Variants in CD36 observed in about 807,000 individuals in gnomAD.
The protein encoded by CD36 is platelet glycoprotein 4.
In CD36, 119 loss-of-function variants were observed where a neutral mutation model predicts 55.2. The ratio of observed to expected loss-of-function variants is 2.15; its 90% CI spans 1.86 to 2.51. The LOEUF (loss-of-function observed/expected upper bound fraction) is 2.51, where lower values mean the gene tolerates loss of function less well. CD36 is among the 30% of genes most tolerant of loss of function. The pLI, the probability that CD36 is intolerant of heterozygous loss-of-function variation, is 0.00. For synonymous variants in CD36, 186 were observed against 193.6 expected (o/e 0.96, Z 0.33); for missense variants, 819 against 555.5 (o/e 1.47, Z -4.77).
rs759075645 is a variant in CD36 at position 80,673,333 on chromosome 7, T to A, written c.1200-22T>A. 4.5e-5 allele frequency: 50 copies of A among 1,122,306 alleles called. No homozygotes were observed. In the East Asian group the frequency reaches 7.2e-4, roughly 16 times the overall value. The allele number at this position is 1,122,306 out of a possible 1,614,324, so 69.5% of individuals were successfully genotyped here. ...TAAATATTAGTTTATATGTTCATAATTATTTTCAACGTATATTACAGAGTA... is the reference window on the plus strand; with the variant it reads ...TAAATATTAGTTTATATGTTCATAAATATTTTCAACGTATATTACAGAGTA... On this transcript the variant is annotated intron_variant, in intron 12 of 14. Coordinates refer to ENST00000447544, the MANE Select transcript of CD36 (RefSeq NM_001001548.3).
chr7:80,633,546 A>C (rs1794210769), intron 1 of CD36, among the ~76,000 whole-genome samples: 1 of 152,042 alleles, frequency 6.6e-6, no homozygotes, highest in Non-Finnish European at 1.5e-5. Context: ...TCAGCATTTC[A>C]CTAGCATTAC....
intron 1 of CD36, among the ~76,000 whole-genome samples, chr7:80,629,208 C>T (rs79379026): frequency 2.0e-5 from 3 of 152,002 alleles, no homozygotes; most frequent in Admixed American, 2.0e-4. Flanking sequence ...TTTCTCTGCT[C>T]TCTCCTTATT....
rs1323494868 is a variant in CD36, at chr7:80,677,117, T to C, written c.*734T>C. The C allele has an allele frequency of 6.6e-6, 1 of 152,210 alleles. No homozygotes were observed. The highest frequency in any genetic ancestry group is 1.5e-5 in the Non-Finnish European group (1 of 68,034). 9.4% of individuals were successfully genotyped at this position (152,210 alleles called of 1,614,324 possible). A position where few individuals can be genotyped will look rare whatever the true frequency, so the allele number is the denominator to read the frequency against. ...ACATTTCTTTATAAATCCATAGTCC[T>C]TGCTGAAATATGCTTTCTAAATTTC... is the stretch of plus-strand genomic sequence containing the variant. On this transcript the variant is annotated 3_prime_UTR_variant, in exon 15 of 15. Coordinates refer to ENST00000447544, the MANE Select transcript of CD36 (RefSeq NM_001001548.3).
At chr7:80,651,787 G>A (rs1176988751) in intron 3 of CD36, among the ~76,000 whole-genome samples, 1 of 152,054 alleles carries the variant, frequency 6.6e-6, no homozygotes, top group Non-Finnish European at 1.5e-5. Flanking sequence ...ACACATGCCT[G>A]TAGTCCTAGC....
rs1796118677 is a variant in CD36 at position 80,656,703 on chromosome 7, G to A, written c.281+3G>A. The A allele has an allele frequency of 1.2e-6, 2 of 1,612,382 alleles. No individual in the cohort carries two copies. Among genetic ancestry groups the A allele is most frequent in the Admixed American group, 1.7e-5 (1 of 59,950 alleles). ...CAAAGAGGTCCTTATACGTACAGGT[G>A]AGTGAGTCCCCACAAATATGAGACA... On this transcript the variant is annotated splice_donor_region_variant and intron_variant, in intron 4 of 14. Coordinates refer to ENST00000447544, the MANE Select transcript of CD36 (RefSeq NM_001001548.3).
At position 80,676,880 on chromosome 7, in the gene CD36, A is replaced by G. The variant is rs966563535; in HGVS notation, c.*497A>G. 2 of 152,118 alleles carry G rather than the reference A, an allele frequency of 1.3e-5. No homozygotes were observed. Among genetic ancestry groups the G allele is most frequent in the Non-Finnish European group, 2.9e-5 (2 of 68,014 alleles). 9.4% of individuals were successfully genotyped at this position (152,118 alleles called of 1,614,324 possible). A position where few individuals can be genotyped will look rare whatever the true frequency, so the allele number is the denominator to read the frequency against. ...GCTTTTCTAGCATTAAGAGATGTAA[A>G]TGATAAAGGAATTATTGTATGAAAT... On this transcript the variant is annotated 3_prime_UTR_variant, in exon 15 of 15. Transcript: ENST00000447544.
intron 3 of CD36, among the ~76,000 whole-genome samples, chr7:80,652,886 G>A (rs1022018854): frequency 7.2e-5 from 11 of 152,060 alleles, no homozygotes; most frequent in African/African-American, 1.9e-4. Flanking sequence ...AAGTGTTCAC[G>A]TTTATTGATC....
intron 4 of CD36, among the ~76,000 whole-genome samples, chr7:80,659,399 A>G (rs1796350224): frequency 6.6e-6 from 1 of 152,164 alleles, no homozygotes; most frequent in Admixed American, 6.5e-5. Context: ...TTCTACCTAC[A>G]CCATCTCTAT....
chr7:80,663,284 C>T lies in CD36; in HGVS notation c.609+115C>T. ...ATTAGTCTTATTGCTGATCTGGAGACATATATCCTAACTTTTTAAAAAGTC... is the reference window on the plus strand; with the variant it reads ...ATTAGTCTTATTGCTGATCTGGAGATATATATCCTAACTTTTTAAAAAGTC... On this transcript the variant is annotated intron_variant, in intron 6 of 14. Transcript: ENST00000447544. 4.6e-6 allele frequency: 4 copies of T among 877,122 alleles called. No individual in the cohort carries two copies. The Admixed American group carries it at 5.9e-5, about 13-fold the overall frequency. The allele number at this position is 877,122 out of a possible 1,614,324, so 54.3% of individuals were successfully genotyped here.
At position 80,646,660 on chromosome 7, in the gene CD36, C is replaced by A; in HGVS notation, c.-81C>A. On this transcript the variant is annotated 5_prime_UTR_variant, in exon 3 of 15. Transcript: ENST00000447544. ...TCTCTTTCTAATGATAGAACCAGAG[C>A]TTGTAGAAACCACTTTAATCATATC... 6.6e-7 allele frequency: 1 copy of A among 1,525,588 alleles called. No homozygotes were observed. The highest frequency in any genetic ancestry group is 9.1e-7 in the Non-Finnish European group (1 of 1,100,334). The allele number at this position is 1,525,588 out of a possible 1,614,324, so 94.5% of individuals were successfully genotyped here.
chr7:80,602,876 T>C (rs1792319803), intron 1 of CD36, among the ~76,000 whole-genome samples: 1 of 152,196 alleles, frequency 6.6e-6, no homozygotes, highest in African/African-American at 2.4e-5. Context: ...TGACCTTCTT[T>C]CATGGAACTC....
chr7:80,673,615 C>T, intron 13 of CD36: 2 of 566,730 alleles, frequency 3.5e-6, no homozygotes, highest in South Asian at 4.7e-5. Flanking sequence ...AAAAATGCAT[C>T]TATTAAACAC....
chr7:80,664,875 C>T (rs1796904478), intron 7 of CD36, among the ~76,000 whole-genome samples: 1 of 148,998 alleles, frequency 6.7e-6, no homozygotes. Flanking sequence ...AACAACACAT[C>T]AACTGATTGT....
intron 12 of CD36, 37 bp from the exon 13 acceptor site, chr7:80,673,318 T>C (rs536769614): frequency 8.5e-6 from 8 of 936,364 alleles, no homozygotes; most frequent in Non-Finnish European, 1.4e-5. Context: ...TAAATATTAG[T>C]TTATATGTTC....
Position 80,604,350 on chromosome 7 carries a change from A to ATTTTTTT in CD36, c.-184+2005_-184+2011dup, listed in dbSNP as rs67213422. 2.5e-3 allele frequency among the ~76,000 whole-genome samples: 138 copies of ATTTTTTT among 54,278 alleles called. 20 individuals carry two copies. Among genetic ancestry groups the ATTTTTTT allele is most frequent in the African/African-American group, 4.8e-3 (91 of 18,886 alleles). 35.6% of individuals were successfully genotyped at this position (54,278 alleles called of 152,430 possible). On this transcript the variant is annotated intron_variant, in intron 1 of 13. Coordinates refer to the CD36 transcript ENST00000309881. ...TACAGTAATTGGCTAAGCCACTGGA[A>ATTTTTTT]TTTTTTTTTTTTTTTTTTTTTTTTT...
rs1468993875 is a variant in CD36, at chr7:80,631,846, T to C, written c.-183-14242T>C. Among the ~76,000 whole-genome samples, 5 of 151,620 alleles carry C rather than the reference T, an allele frequency of 3.3e-5. No homozygotes were observed. In the East Asian group the frequency reaches 9.7e-4, roughly 29 times the overall value. ...ATATACATAAATGATATAAATAATG[T>C]ACAAAACACACATATTTGTATTTGT... On this transcript the variant is annotated intron_variant, in intron 1 of 13. Coordinates refer to the CD36 transcript ENST00000309881.
intron 1 of CD36, among the ~76,000 whole-genome samples, chr7:80,609,906 A>C (rs1463090639): frequency 2.0e-5 from 3 of 152,204 alleles, no homozygotes; most frequent in Non-Finnish European, 4.4e-5. Context: ...TCAGGTTACA[A>C]GTATGATCAC....
chr7:80,623,136 C>T (rs1004215628), intron 1 of CD36, among the ~76,000 whole-genome samples: 4 of 151,776 alleles, frequency 2.6e-5, no homozygotes, highest in African/African-American at 9.7e-5. Flanking sequence ...TTATACCAAT[C>T]TTCTGTTCTA....
intron 1 of CD36, among the ~76,000 whole-genome samples, chr7:80,618,752 AAG>A (rs1420139746): frequency 1.3e-5 from 2 of 152,212 alleles, no homozygotes; most frequent in African/African-American, 4.8e-5. Flanking sequence ...GCTGCAGAAG[AAG>A]AGTGTGAAGC....
Sources: gnomAD v4.1 joint callset for allele counts (sites outside exome capture counted in the v4.1 genomes callset) on GRCh38, gnomAD v4.1.1 for gene constraint, MANE v1.5 for transcripts, NCBI Gene and HGNC (gene_info 2026-07-23, HGNC 2026-07-21) for gene names.